Variants in SSUH2 observed in about 807,000 individuals in gnomAD.
The protein encoded by SSUH2 is ssu-2 homolog.
A neutral mutation model predicts 55.3 loss-of-function variants in SSUH2; 47 were observed. That is an observed-to-expected ratio of 0.85 (90% confidence interval 0.67 to 1.08). The LOEUF (loss-of-function observed/expected upper bound fraction) is 1.08. SSUH2 is among the 50% of genes least tolerant of loss of function. SSUH2 has a pLI of 0.00. For synonymous variants in SSUH2, 212 were observed against 191.5 expected (o/e 1.11, Z -0.89); for missense variants, 535 against 490.7 (o/e 1.09, Z -0.85).
At position 8,679,630 on chromosome 3, in the gene SSUH2, G is replaced by T. The variant is rs919623238; in HGVS notation, c.-901+75C>A. 2.6e-4 allele frequency: 48 copies of T among 183,070 alleles called. 1 individual carries two copies. Among genetic ancestry groups the T allele is most frequent in the Non-Finnish European group, 4.2e-4 (41 of 97,482 alleles). 11.3% of individuals were successfully genotyped at this position (183,070 alleles called of 1,614,324 possible). A position where few individuals can be genotyped will look rare whatever the true frequency, so the allele number is the denominator to read the frequency against. The stretch of plus-strand genomic sequence containing the variant: ...GGGTGGAGGCACCCCCGGTGAGGCG[G>T]GGAATGAGAGCCAGTGCCTCTTCCC... On this transcript the variant is annotated intron_variant, in intron 2 of 18. Transcript: ENST00000317371.
At chr3:8,646,754 G>C (rs980143634), upstream of SSUH2, among the ~76,000 whole-genome samples, 2 of 152,186 alleles carry the variant, frequency 1.3e-5, no homozygotes, top group African/African-American at 4.8e-5. Flanking sequence ...ATTAGCTCTG[G>C]GACCCACGAC....
chr3:8,679,713 C>T lies in SSUH2; in HGVS notation c.-909G>A, dbSNP rs145777425. ...AGATCCTTAGGACCCACCTGGAGGA[C>T]TGTGGGTATTAGGTGTCTAAGAAGA... On this transcript the variant is annotated 5_prime_UTR_variant, in exon 2 of 19. Coordinates refer to the SSUH2 transcript ENST00000317371. 532 of 195,070 alleles carry T rather than the reference C, an allele frequency of 2.7e-3. 14 individuals carry two copies. The East Asian group carries it at 0.065, about 24-fold the overall frequency. 12.1% of individuals were successfully genotyped at this position (195,070 alleles called of 1,614,324 possible).
intron 1 of SSUH2, among the ~76,000 whole-genome samples, chr3:8,636,661 C>T (rs1347354974): frequency 6.6e-6 from 1 of 152,190 alleles, no homozygotes; most frequent in Non-Finnish European, 1.5e-5. Flanking sequence ...GAGTCTGAGA[C>T]TCCTCCTACT....
At position 8,619,887 on chromosome 3, in the gene SSUH2, C is replaced by T. The variant is rs1696054198; in HGVS notation, c.1109G>A (p.Cys370Tyr). 6.2e-7 allele frequency: 1 copy of T among 1,614,064 alleles called. No homozygotes were observed. The highest frequency in any genetic ancestry group is 2.2e-5 in the East Asian group (1 of 44,886). The stretch of plus-strand genomic sequence containing the variant: ...GCTATGTCACACGATGGTACAGCCA[C>T]AGCAATACCGCTCAGGATAGTCCAC... ...YAVDYPERYC[C>Y]GCTIV The change falls in exon 12 of 12, where the codon TGT (cysteine) becomes TAT (tyrosine). Residue 370 changes from cysteine to tyrosine, a missense_variant. Cys to Tyr is a radical substitution (Grantham distance 194, BLOSUM62 -2). Coordinates refer to ENST00000544814, the MANE Select transcript of SSUH2 (RefSeq NM_001256748.3).
At chr3:8,650,400 GA>G (rs1240729819) in intron 7 of SSUH2, among the ~76,000 whole-genome samples, 3 of 152,172 alleles carry the variant, frequency 2.0e-5, no homozygotes, top group African/African-American at 4.8e-5. Context: ...ACAGAGCCTG[GA>G]AAATAATAGA....
intron 3 of SSUH2, chr3:8,634,188 G>T: frequency 1.7e-6 from 1 of 598,228 alleles, no homozygotes. Context: ...CCTGCCCTCG[G>T]GTACCTTGAC....
intron 11 of SSUH2, among the ~76,000 whole-genome samples, chr3:8,621,099 T>C (rs995108659): frequency 4.6e-5 from 7 of 152,200 alleles, no homozygotes; most frequent in Admixed American, 2.6e-4. Context: ...GTAGTTGACA[T>C]AAGAATGTTG....
intron 7 of SSUH2, among the ~76,000 whole-genome samples, chr3:8,651,395 G>C (rs1702388120): frequency 6.6e-6 from 1 of 152,144 alleles, no homozygotes; most frequent in East Asian, 1.9e-4. Context: ...TGTGCACATG[G>C]GGAAACTGAG....
At chr3:8,680,836 T>G (rs410489) in intron 1 of SSUH2, among the ~76,000 whole-genome samples, 117,406 of 151,930 alleles carry the variant, frequency 0.77, 45,610 homozygotes, top group East Asian at 1. Flanking sequence ...TACACCTCGT[T>G]CTCTATTATG....
chr3:8,627,664 G>A, intron 8 of SSUH2, 34 bp downstream of exon 8: 1 of 1,455,332 alleles, frequency 6.9e-7, no homozygotes, highest in Non-Finnish European at 9.1e-7. Flanking sequence ...GAAAGCAAGA[G>A]CACTTCACCG....
intron 1 of SSUH2, among the ~76,000 whole-genome samples, chr3:8,681,160 CA>C (rs200380534): frequency 0.019 from 2,473 of 130,692 alleles, 84 homozygotes; most frequent in African/African-American, 0.063. Context: ...ACTTCCATAG[CA>C]GGGGGGGGAG....
chr3:8,626,537 G>GCCCCCCCCCC (rs58662232), intron 8 of SSUH2, among the ~76,000 whole-genome samples: 5 of 107,646 alleles, frequency 4.6e-5, no homozygotes, highest in East Asian at 2.9e-4. Context: ...TCTAGGGCCT[G>GCCCCCCCCCC]CCCCCCCCCC....
At chr3:8,634,873 G>A (rs1190311596) in intron 3 of SSUH2, among the ~76,000 whole-genome samples, 11 of 152,118 alleles carry the variant, frequency 7.2e-5, no homozygotes, top group Non-Finnish European at 1.3e-4. Context: ...TCTAGACCAG[G>A]GTCAGCAAAC....
intron 1 of SSUH2, among the ~76,000 whole-genome samples, chr3:8,639,605 T>A (rs1482618931): frequency 6.6e-6 from 1 of 152,230 alleles, no homozygotes; most frequent in Non-Finnish European, 1.5e-5. Flanking sequence ...TTCTTTTGTA[T>A]AGAAAGGAAT....
intron 5 of SSUH2, among the ~76,000 whole-genome samples, chr3:8,667,758 A>C (rs78790183): frequency 0.035 from 5,356 of 152,196 alleles, 134 homozygotes; most frequent in Middle Eastern, 0.085. Flanking sequence ...TGCCTCGGCC[A>C]CTCTGGTAAC....
At chr3:8,635,479 C>G in intron 2 of SSUH2, 98 bp from the exon 3 acceptor site, 1 of 948,990 alleles carries the variant, frequency 1.1e-6, no homozygotes, top group Non-Finnish European at 1.6e-6. Flanking sequence ...TGAGAAAGAA[C>G]AGATGAAGAA....
At chr3:8,648,847 A>C (rs2125307105), upstream of SSUH2, among the ~76,000 whole-genome samples, 1 of 152,160 alleles carries the variant, frequency 6.6e-6, no homozygotes, top group South Asian at 2.1e-4. Flanking sequence ...AACCCAACTC[A>C]TCAACTTTCT....
At chr3:8,642,187 G>A (rs1700965926) in intron 1 of SSUH2, among the ~76,000 whole-genome samples, 1 of 152,210 alleles carries the variant, frequency 6.6e-6, no homozygotes, top group African/African-American at 2.4e-5. Context: ...AATCAAAGAA[G>A]TAAGTTCTAT....
At chr3:8,663,240 C>T (rs1266450181) in intron 6 of SSUH2, among the ~76,000 whole-genome samples, 1 of 152,232 alleles carries the variant, frequency 6.6e-6, no homozygotes, top group Non-Finnish European at 1.5e-5. Context: ...GTACTAAGCT[C>T]AGATATAAAC....
Sources: allele counts gnomAD v4.1 joint callset (sites outside exome capture counted in the v4.1 genomes callset), GRCh38; gene constraint gnomAD v4.1.1; transcripts MANE v1.5; gene names NCBI Gene and HGNC (gene_info 2026-07-23, HGNC 2026-07-21).